The following FBXL17 variants were observed in gnomAD, a reference collection of about 807,000 sequenced individuals.
FBXL17 encodes F-box/LRR-repeat protein 17.
FBXL17 carries 22 observed loss-of-function variants against 66.2 expected under a neutral mutation model. That is an observed-to-expected ratio of 0.33 (90% CI 0.24 to 0.47). The LOEUF (loss-of-function observed/expected upper bound fraction) is 0.47. Ranked by LOEUF, FBXL17 falls within the 20% of genes least tolerant of loss-of-function variation. FBXL17 has a pLI of 1.00. For synonymous variants in FBXL17, 474 were observed against 400.5 expected, an observed-to-expected ratio of 1.18 and a Z score of -2.19; for missense variants, 878 against 948.2, an observed-to-expected ratio of 0.93 and a Z score of 0.97.
intron 4 of FBXL17, among the ~76,000 whole-genome samples, chr5:108,313,880 AAAAG>A (rs1298032159): frequency 2.6e-5 from 4 of 151,900 alleles, no homozygotes; most frequent in African/African-American, 4.8e-5. Context: ...TTACATGGCA[AAAAG>A]AAAGAACCTG....
intron 6 of FBXL17, among the ~76,000 whole-genome samples, chr5:108,049,566 G>A (rs769819828): frequency 5.9e-5 from 9 of 152,056 alleles, no homozygotes; most frequent in South Asian, 4.1e-4. Flanking sequence ...CAGGCCTGCC[G>A]TGCAAGAGCT....
At chr5:108,220,253 T>G (rs1055531217) in intron 5 of FBXL17, among the ~76,000 whole-genome samples, 5 of 152,104 alleles carry the variant, frequency 3.3e-5, no homozygotes, top group Admixed American at 3.3e-4. Flanking sequence ...ACTCCAGTAT[T>G]CAGTCCTCTG....
intron 7 of FBXL17, among the ~76,000 whole-genome samples, chr5:107,882,483 G>A (rs1748824649): frequency 6.6e-6 from 1 of 151,994 alleles, no homozygotes; most frequent in Non-Finnish European, 1.5e-5. Flanking sequence ...AAATACAATA[G>A]AGAGACAATT....
rs1469872773 is a variant in FBXL17, at chr5:108,200,521, CTTT to C, written c.1615-14277_1615-14275del. Among the ~76,000 whole-genome samples, 7 of 152,112 alleles carry C rather than the reference CTTT, an allele frequency of 4.6e-5. No individual in the cohort carries two copies. The East Asian group carries it at 1.4e-3, about 29-fold the overall frequency. ...CAGTGCTGACCAAGTTTGTTTTCTTCTTTGAGCCAGATGAAAGCTGCTTTCTTA... is the reference window on the plus strand; with the variant it reads ...CAGTGCTGACCAAGTTTGTTTTCTTCGAGCCAGATGAAAGCTGCTTTCTTA... On this transcript the variant is annotated intron_variant, in intron 5 of 8. Coordinates refer to ENST00000542267, the MANE Select transcript of FBXL17 (RefSeq NM_001163315.3).
intron 5 of FBXL17, among the ~76,000 whole-genome samples, chr5:108,207,710 T>G (rs534865932): frequency 6.6e-6 from 1 of 152,234 alleles, no homozygotes; most frequent in Admixed American, 6.5e-5. Context: ...ATTTTCTTTA[T>G]CCAGTATATT....
At chr5:108,035,960 G>A (rs947465249) in intron 6 of FBXL17, among the ~76,000 whole-genome samples, 3 of 152,136 alleles carry the variant, frequency 2.0e-5, no homozygotes, top group Non-Finnish European at 2.9e-5. Flanking sequence ...TTAATAAAAG[G>A]AAAACCAAAG....
chr5:107,961,046 A>G (rs948231445), intron 7 of FBXL17, among the ~76,000 whole-genome samples: 2 of 152,184 alleles, frequency 1.3e-5, no homozygotes, highest in Non-Finnish European at 2.9e-5. Context: ...CTGAGTAAAA[A>G]GTGATACGGA....
intron 6 of FBXL17, among the ~76,000 whole-genome samples, chr5:108,086,289 A>T (rs1307838252): frequency 6.6e-6 from 1 of 152,218 alleles, no homozygotes; most frequent in Non-Finnish European, 1.5e-5. Flanking sequence ...AAAATGGTAC[A>T]CAAAGAGGCC....
intron 7 of FBXL17, among the ~76,000 whole-genome samples, chr5:107,971,281 C>A (rs915987339): frequency 2.6e-5 from 4 of 152,142 alleles, no homozygotes; most frequent in Admixed American, 6.6e-5. Flanking sequence ...TATGAGCACA[C>A]CCCTCCACAT....
At chr5:108,192,562 C>T (rs151094257) in intron 5 of FBXL17, among the ~76,000 whole-genome samples, 2 of 152,172 alleles carry the variant, frequency 1.3e-5, no homozygotes, top group African/African-American at 2.4e-5. Flanking sequence ...GGTGGATTAT[C>T]GAAAGACCTC....
At chr5:108,085,164 G>A (rs1748920798) in intron 6 of FBXL17, among the ~76,000 whole-genome samples, 1 of 152,320 alleles carries the variant, frequency 6.6e-6, no homozygotes, top group East Asian at 1.9e-4. Flanking sequence ...TTCACTGGAT[G>A]TCCAACTGTA....
chr5:108,292,837 C>T (rs374500805), intron 4 of FBXL17, among the ~76,000 whole-genome samples: 6 of 152,048 alleles, frequency 3.9e-5, no homozygotes, highest in African/African-American at 9.7e-5. Context: ...TGGTGGCTTA[C>T]GCCTGTAATC....
At position 107,976,925 on chromosome 5, in the gene FBXL17, C is replaced by T. The variant is rs150236290; in HGVS notation, c.1822+44000G>A. Among the ~76,000 whole-genome samples, 383 of 152,256 alleles carry T rather than the reference C, an allele frequency of 2.5e-3. 2 individuals carry two copies. The highest frequency in any genetic ancestry group is 8.6e-3 in the African/African-American group (356 of 41,538). ...TAAGACAATGAGATACATTTTAAAT[C>T]CCATTCACTTTCACTCCCTTCTCTC... On this transcript the variant is annotated intron_variant, in intron 7 of 8. Transcript: ENST00000542267.
intron 4 of FBXL17, among the ~76,000 whole-genome samples, chr5:108,266,890 T>A (rs559724087): frequency 8.5e-5 from 13 of 152,230 alleles, no homozygotes; most frequent in South Asian, 8.3e-4. Context: ...CTATCTGTGG[T>A]TTCAGACATC....
At chr5:108,265,880 C>T (rs931905481) in intron 4 of FBXL17, among the ~76,000 whole-genome samples, 8 of 152,112 alleles carry the variant, frequency 5.3e-5, no homozygotes, top group Admixed American at 2.0e-4. Context: ...CGGTATACTG[C>T]CCATCCTCAG....
intron 4 of FBXL17, among the ~76,000 whole-genome samples, chr5:108,348,022 A>AG (rs1436933955): frequency 1.3e-5 from 2 of 152,220 alleles, no homozygotes; most frequent in Non-Finnish European, 2.9e-5. Context: ...TTTCTGGACA[A>AG]TAAAAAAAAT....
intron 7 of FBXL17, among the ~76,000 whole-genome samples, chr5:107,890,001 T>A (rs920828799): frequency 7.2e-5 from 11 of 152,236 alleles, no homozygotes; most frequent in Middle Eastern, 3.4e-3. Flanking sequence ...GAATGTTAGG[T>A]TCCCCTGACA....
chr5:108,268,955 G>A (rs1429045175), intron 4 of FBXL17, among the ~76,000 whole-genome samples: 1 of 151,990 alleles, frequency 6.6e-6, no homozygotes, highest in African/African-American at 2.4e-5. Context: ...AATTAGAGTT[G>A]AATATTCATA....
At chr5:107,995,593 C>T (rs1753440215) in intron 7 of FBXL17, among the ~76,000 whole-genome samples, 2 of 151,952 alleles carry the variant, frequency 1.3e-5, no homozygotes, top group African/African-American at 4.8e-5. Context: ...ATAACCAAAG[C>T]CAAATCAACT....
Sources: gnomAD v4.1 joint callset for allele counts (sites outside exome capture counted in the v4.1 genomes callset) on GRCh38, gnomAD v4.1.1 for gene constraint, MANE v1.5 for transcripts, NCBI Gene and HGNC (gene_info 2026-07-23, HGNC 2026-07-21) for gene names.